Variants in BABAM2 observed in about 807,000 individuals in gnomAD.
The protein encoded by BABAM2 is BRISC and BRCA1-A complex member 2.
In BABAM2, 31 loss-of-function variants were observed where a neutral mutation model predicts 54.7. The ratio of observed to expected loss-of-function variants is 0.57; its 90% CI spans 0.43 to 0.77. The LOEUF is 0.77. BABAM2 is among the 30% of genes least tolerant of loss of function. The pLI is 0.00. For synonymous variants in BABAM2, 167 were observed against 162.9 expected (o/e 1.03, Z -0.19); for missense variants, 364 against 455.8 (o/e 0.80, Z 1.83).
intron 1 of BABAM2, among the ~76,000 whole-genome samples, chr2:27,893,458 T>G (rs1665024547): frequency 6.6e-6 from 1 of 152,232 alleles, no homozygotes; most frequent in Non-Finnish European, 1.5e-5. Flanking sequence ...TCCTTGGATC[T>G]TGTTATATCT....
chr2:28,204,871 C>T (rs969516290), intron 7 of BABAM2, among the ~76,000 whole-genome samples: 1 of 152,062 alleles, frequency 6.6e-6, no homozygotes, highest in African/African-American at 2.4e-5. Context: ...CCTCGCAGCC[C>T]CCCGTATGGG....
chr2:28,008,368 T>C (rs959052583), intron 4 of BABAM2, among the ~76,000 whole-genome samples: 1 of 152,128 alleles, frequency 6.6e-6, no homozygotes. Flanking sequence ...GTAATCTTAC[T>C]TGTAGCAGGG....
At chr2:28,068,181 C>G (rs1365354963) in intron 6 of BABAM2, among the ~76,000 whole-genome samples, 2 of 152,048 alleles carry the variant, frequency 1.3e-5, no homozygotes, top group Non-Finnish European at 2.9e-5. Flanking sequence ...TATGATGAGA[C>G]TACCGTAATA....
At chr2:28,038,024 G>A (rs937375223) in intron 5 of BABAM2, among the ~76,000 whole-genome samples, 22 of 152,166 alleles carry the variant, frequency 1.4e-4, no homozygotes, top group African/African-American at 5.3e-4. Flanking sequence ...TCCAAATATG[G>A]TGAAAGACAG....
chr2:27,973,429 T>A (rs1238704813), intron 3 of BABAM2, among the ~76,000 whole-genome samples: 1 of 151,268 alleles, frequency 6.6e-6, no homozygotes, highest in Admixed American at 6.6e-5. Context: ...CAGGATGTAA[T>A]CTTTTTTTTT....
intron 2 of BABAM2, among the ~76,000 whole-genome samples, chr2:27,913,470 G>C: frequency 6.6e-6 from 1 of 152,122 alleles, no homozygotes; most frequent in East Asian, 1.9e-4. Flanking sequence ...TGGAGATACT[G>C]TTTTTTAAAA....
At chr2:28,268,487 T>C (rs986046773) in intron 10 of BABAM2, among the ~76,000 whole-genome samples, 3 of 152,198 alleles carry the variant, frequency 2.0e-5, no homozygotes, top group African/African-American at 7.2e-5. Flanking sequence ...GTTTCAGACC[T>C]TAAGTGTGTA....
rs539062501 is a variant in BABAM2 at position 28,292,507 on chromosome 2, C to G, written c.935-5831C>G. 3.3e-5 allele frequency among the ~76,000 whole-genome samples: 5 copies of G among 152,118 alleles called. No homozygotes were observed. The East Asian group carries it at 7.7e-4, about 24-fold the overall frequency. Reference sequence around the variant, plus strand: ...CCTTTGACTGCACGTATCAGAAGACCCTATTATAAGAGGTTTAATAGTAAA... The same window carrying G: ...CCTTTGACTGCACGTATCAGAAGACGCTATTATAAGAGGTTTAATAGTAAA... On this transcript the variant is annotated intron_variant, in intron 10 of 11. Coordinates refer to ENST00000379624, the MANE Select transcript of BABAM2 (RefSeq NM_199191.3).
chr2:28,055,854 G>C (rs1678363111), intron 6 of BABAM2, among the ~76,000 whole-genome samples: 2 of 152,160 alleles, frequency 1.3e-5, no homozygotes. Flanking sequence ...GTTCAACAGT[G>C]GTTGAATGGA....
intron 11 of BABAM2, among the ~76,000 whole-genome samples, chr2:28,327,981 C>T (rs141670792): frequency 9.9e-5 from 15 of 152,282 alleles, no homozygotes; most frequent in South Asian, 4.1e-4. Flanking sequence ...TGCCATCGCC[C>T]GGGGCATAAT....
At chr2:27,941,241 C>A (rs965093261) in intron 3 of BABAM2, among the ~76,000 whole-genome samples, 8 of 152,070 alleles carry the variant, frequency 5.3e-5, no homozygotes, top group African/African-American at 1.7e-4. Context: ...AAAGAATTTC[C>A]AAATGAAAAT....
intron 4 of BABAM2, among the ~76,000 whole-genome samples, chr2:27,994,466 G>A (rs180714466): frequency 1.2e-3 from 181 of 152,248 alleles, no homozygotes; most frequent in Non-Finnish European, 1.7e-3. Flanking sequence ...CTCATGTCCT[G>A]TTCCATCACT....
chr2:27,892,975 A>G (rs1664988918), intron 1 of BABAM2, among the ~76,000 whole-genome samples: 1 of 152,226 alleles, frequency 6.6e-6, no homozygotes. Context: ...TGAGCTATCA[A>G]ATTAGCAAAT....
rs1675069989 is a variant in BABAM2 at position 28,019,160 on chromosome 2, T to G, written c.301-6066T>G. On this transcript the variant is annotated intron_variant, in intron 4 of 11. Transcript: ENST00000379624. Reference sequence around the variant, plus strand: ...ATGATAGCTTCCAGATTCACCCATGTCCCTGAAAAGGACATGAACTCATCC... The same window carrying G: ...ATGATAGCTTCCAGATTCACCCATGGCCCTGAAAAGGACATGAACTCATCC... Among the ~76,000 whole-genome samples, 5 of 152,294 alleles carry G rather than the reference T, an allele frequency of 3.3e-5. No homozygotes were observed. In the South Asian group the frequency reaches 1.0e-3, roughly 32 times the overall value.
At chr2:27,932,938 C>T (rs1668205799) in intron 3 of BABAM2, among the ~76,000 whole-genome samples, 2 of 152,208 alleles carry the variant, frequency 1.3e-5, no homozygotes, top group Admixed American at 6.5e-5. Flanking sequence ...ACTCTCCTCC[C>T]TTCCTCTTCA....
Position 28,196,195 on chromosome 2 carries a change from C to T in BABAM2, c.681-41007C>T, listed in dbSNP as rs987693441. Among the ~76,000 whole-genome samples the T allele has an allele frequency of 7.9e-5, 12 of 151,978 alleles. No homozygotes were observed. The East Asian group carries it at 1.6e-3, about 20-fold the overall frequency. On this transcript the variant is annotated intron_variant, in intron 7 of 11. Coordinates refer to ENST00000379624, the MANE Select transcript of BABAM2 (RefSeq NM_199191.3). Reference sequence around the variant, plus strand: ...ACAAAAAATTAGCTGGGCATGGTGGCGGGTGCCTGTAGTCCCAGCTACTCG... The same window carrying T: ...ACAAAAAATTAGCTGGGCATGGTGGTGGGTGCCTGTAGTCCCAGCTACTCG...
chr2:27,974,417 G>C (rs946014173), intron 3 of BABAM2, among the ~76,000 whole-genome samples: 1 of 151,990 alleles, frequency 6.6e-6, no homozygotes, highest in African/African-American at 2.4e-5. Context: ...TAATCAAGCA[G>C]GTTTTATTCT....
chr2:28,009,879 T>G (rs1674264906), intron 4 of BABAM2, among the ~76,000 whole-genome samples: 1 of 152,176 alleles, frequency 6.6e-6, no homozygotes, highest in Admixed American at 6.6e-5. Context: ...ACATTTCCAG[T>G]GTGGCATGGA....
At chr2:28,274,859 A>G (rs1057250368) in intron 10 of BABAM2, among the ~76,000 whole-genome samples, 1 of 152,188 alleles carries the variant, frequency 6.6e-6, no homozygotes, top group African/African-American at 2.4e-5. Context: ...ATGAGAAAAG[A>G]GAAACTTAGG....
Sources: allele counts gnomAD v4.1 joint callset (sites outside exome capture counted in the v4.1 genomes callset), GRCh38; gene constraint gnomAD v4.1.1; transcripts MANE v1.5; gene names NCBI Gene and HGNC (gene_info 2026-07-23, HGNC 2026-07-21).